SEPTIN4: variants seen among roughly 807,000 people sequenced by gnomAD.
SEPTIN4 encodes septin 4.
A neutral mutation model predicts 107.1 loss-of-function variants in SEPTIN4; 52 were observed. The observed-to-expected ratio is 0.49, with a 90% confidence interval of 0.39 to 0.61. The LOEUF (loss-of-function observed/expected upper bound fraction) is 0.61. SEPTIN4 is among the 20% of genes least tolerant of loss of function. The pLI is 0.00. For synonymous variants in SEPTIN4, 417 were observed against 467.0 expected (o/e 0.89, Z 1.38); for missense variants, 1,048 against 1,243.5 (o/e 0.84, Z 2.36).
chr17:58,539,934 T>C (rs1005508275), intron 3 of SEPTIN4, among the ~76,000 whole-genome samples: 1 of 152,236 alleles, frequency 6.6e-6, no homozygotes, highest in Non-Finnish European at 1.5e-5. Flanking sequence ...TGTTCCATTA[T>C]CTGAGCTTAG....
chr17:58,539,043 G>C, intron 3 of SEPTIN4: 3 of 1,047,978 alleles, frequency 2.9e-6, no homozygotes, highest in East Asian at 2.8e-5. Flanking sequence ...CCGGCTGAGG[G>C]ACAGGCCGGG....
rs2043954218 is a variant in SEPTIN4, at chr17:58,543,850, C to T, written c.337G>A (p.Ala113Thr). ...HLKSQKTQTL[A>T]SHASSRQWKV... The stretch of plus-strand genomic sequence containing the variant: ...CATTGTCTGCTTGAAGCATGGGAAG[C>T]CAGTGTCTGAGTCTTCTGGCTCTTT... Residue 113 changes from alanine (A) to threonine (T), a missense_variant, in exon 1 of 14, where the codon GCT becomes ACT. By Grantham distance (58) the Ala-to-Thr change is moderately conservative. Around this residue, in one of 2 missense-constraint regions of SEPTIN4, gnomAD observed 787 missense variants for 871.8 expected, o/e 0.90. Transcript: ENST00000672673. 6.2e-7 allele frequency: 1 copy of T among 1,614,012 alleles called. No individual in the cohort carries two copies. The highest frequency in any genetic ancestry group is 1.1e-5 in the South Asian group (1 of 91,072).
Position 58,543,853 on chromosome 17 carries a change from G to A in SEPTIN4, c.334C>T (p.Leu112=). ...TGTCTGCTTGAAGCATGGGAAGCCA[G>A]TGTCTGAGTCTTCTGGCTCTTTAGA... ...PHLKSQKTQT[L]ASHASSRQWK... Residue 112 remains leucine (L), a synonymous_variant, in exon 1 of 14, where the codon CTG becomes TTG. Coordinates refer to ENST00000672673, the MANE Select transcript of SEPTIN4 (RefSeq NM_001368771.2). 1.2e-6 allele frequency: 2 copies of A among 1,614,202 alleles called. No individual in the cohort carries two copies. The highest frequency in any genetic ancestry group is 1.1e-5 in the South Asian group (1 of 91,078).
rs540465839 is a variant in SEPTIN4, at chr17:58,543,529, T to C, written c.658A>G (p.Arg220Gly). The C allele has an allele frequency of 1.3e-5, 21 of 1,614,224 alleles. No individual in the cohort carries two copies. The East Asian group carries it at 4.0e-4, about 31-fold the overall frequency. Residue 220 changes from arginine (R) to glycine (G), a missense_variant, in exon 1 of 14, where the codon AGG (arginine) becomes GGG (glycine). Physicochemically the swap from Arg to Gly is moderately radical, Grantham distance 125 (BLOSUM62 -2). Around this residue, in one of 2 missense-constraint regions of SEPTIN4, gnomAD observed 787 missense variants for 871.8 expected, o/e 0.90. Coordinates refer to ENST00000672673, the MANE Select transcript of SEPTIN4 (RefSeq NM_001368771.2). Reference sequence around the variant, plus strand: ...CCGTGCTCTAGGAGAGAGGGACTCCTTGGAGATCTGATCTCACTAGTAGTC... The same window carrying C: ...CCGTGCTCTAGGAGAGAGGGACTCCCTGGAGATCTGATCTCACTAGTAGTC... The part of the protein sequence containing the change: ...ITTTSEIRSP[R>G]SPSLLEHGSS...
chr17:58,522,021 A>G lies in SEPTIN4; in HGVS notation c.2297T>C (p.Ile766Thr). 6.2e-7 allele frequency: 1 copy of G among 1,614,124 alleles called. No individual in the cohort carries two copies. Among genetic ancestry groups the G allele is most frequent in the Non-Finnish European group, 8.5e-7 (1 of 1,180,020 alleles). Residue 766 changes from isoleucine (I) to threonine (T), a missense_variant, in exon 8 of 14, where the codon ATC becomes ACC. Coordinates refer to ENST00000672673, the MANE Select transcript of SEPTIN4 (RefSeq NM_001368771.2). The stretch of plus-strand genomic sequence containing the variant: ...GCAGCAGTGCACCCTGTTGTCTTGG[A>G]TGTTCTTTCGGTTCAGGCCACTCTC... ...RDESGLNRKN[I>T]QDNRVHCCLY...
Position 58,526,711 on chromosome 17 carries a change from C to T in SEPTIN4, c.1882G>A (p.Gly628Ser). Residue 628 changes from glycine to serine, a missense_variant, in exon 4 of 14, where the codon GGC (glycine) becomes AGC (serine). Physicochemically the swap from Gly to Ser is moderately conservative, Grantham distance 56. Coordinates refer to ENST00000672673, the MANE Select transcript of SEPTIN4 (RefSeq NM_001368771.2). ...SPSARPRSPW[G>S]KLDPYDSSED... is the part of the protein sequence containing the mutation. ...GAGGAATCATAGGGATCAAGCTTGC[C>T]CCATGGGCTGCGGGGCCTGGCAGAT... The T allele has an allele frequency of 1.2e-6, 2 of 1,600,752 alleles. No individual in the cohort carries two copies. Among genetic ancestry groups the T allele is most frequent in the Non-Finnish European group, 1.7e-6 (2 of 1,174,654 alleles).
intron 6 of SEPTIN4, 137 bp downstream of exon 6, chr17:58,525,558 G>T (rs1220370208): frequency 1.3e-5 from 10 of 752,552 alleles, no homozygotes; most frequent in Non-Finnish European, 2.2e-5. Flanking sequence ...CAGGCAGTTA[G>T]GCCTATGGAG....
intron 7 of SEPTIN4, among the ~76,000 whole-genome samples, chr17:58,524,281 C>T (rs1323795188): frequency 2.0e-5 from 3 of 152,068 alleles, no homozygotes; most frequent in African/African-American, 4.8e-5. Flanking sequence ...TAAAAAAGCC[C>T]GAATGATAGG....
At chr17:58,535,443 G>A (rs1382094923) in intron 3 of SEPTIN4, among the ~76,000 whole-genome samples, 1 of 152,218 alleles carries the variant, frequency 6.6e-6, no homozygotes, top group Non-Finnish European at 1.5e-5. Context: ...CTCACCAGAT[G>A]TCTGAAGGCT....
At chr17:58,535,350 G>A (rs1265143656) in intron 3 of SEPTIN4, among the ~76,000 whole-genome samples, 1 of 152,214 alleles carries the variant, frequency 6.6e-6, no homozygotes, top group Non-Finnish European at 1.5e-5. Flanking sequence ...AGGGCAGACA[G>A]TCCTTCCAAC....
intron 6 of SEPTIN4, 117 bp from the exon 7 acceptor site, chr17:58,525,318 C>G (rs1251395096): frequency 7.9e-7 from 1 of 1,268,672 alleles, no homozygotes; most frequent in African/African-American, 1.5e-5. Flanking sequence ...GCCCCCTTCT[C>G]CACTCCCAAG....
At position 58,541,985 on chromosome 17, in the gene SEPTIN4, T is replaced by C; in HGVS notation, c.1562-19A>G. 1 of 1,612,488 alleles carries C rather than the reference T, an allele frequency of 6.2e-7. No homozygotes were observed. The highest frequency in any genetic ancestry group is 8.5e-7 in the Non-Finnish European group (1 of 1,179,216). On this transcript the variant is annotated intron_variant, in intron 1 of 13. Coordinates refer to ENST00000672673, the MANE Select transcript of SEPTIN4 (RefSeq NM_001368771.2). ...GAGACATCTGAAAGTAACAGAGAGA[T>C]GGTTGCTTTTCTTCTCTCTGTGGGA... is the stretch of plus-strand genomic sequence containing the variant.
chr17:58,536,682 C>T (rs1598315817), intron 3 of SEPTIN4, among the ~76,000 whole-genome samples: 1 of 152,210 alleles, frequency 6.6e-6, no homozygotes, highest in Non-Finnish European at 1.5e-5. Context: ...CACATTCTGT[C>T]CCCCTCCTCC....
intron 7 of SEPTIN4, 84 bp downstream of exon 7, chr17:58,524,994 T>C: frequency 1.5e-5 from 24 of 1,572,564 alleles, no homozygotes; most frequent in Non-Finnish European, 2.1e-5. Context: ...CTGATAAGTA[T>C]GGATATATCT....
intron 7 of SEPTIN4, among the ~76,000 whole-genome samples, chr17:58,522,996 G>T (rs2144034114): frequency 6.6e-6 from 1 of 152,232 alleles, no homozygotes; most frequent in South Asian, 2.1e-4. Context: ...AATCCTCACT[G>T]CCCTGACAGG....
chr17:58,526,573 A>ACACACACACACACACACAC (rs2042911040), intron 4 of SEPTIN4, 109 bp downstream of exon 4: 1 of 1,094,966 alleles, frequency 9.1e-7, no homozygotes, highest in African/African-American at 1.9e-5. Flanking sequence ...CACACACACA[A>ACACACACACACACACACAC]ACACACACAC....
intron 13 of SEPTIN4, 100 bp from the exon 14 acceptor site, chr17:58,520,585 GC>G: frequency 6.5e-7 from 1 of 1,533,066 alleles, no homozygotes; most frequent in Non-Finnish European, 9.0e-7. Context: ...AACCTTGGTA[GC>G]CGTGAGGTGT....
At chr17:58,526,006 G>A (rs905130042) in intron 5 of SEPTIN4, among the ~76,000 whole-genome samples, 2 of 152,056 alleles carry the variant, frequency 1.3e-5, no homozygotes, top group Admixed American at 6.6e-5. Flanking sequence ...GAAACTGTTG[G>A]TCAGATGCTC....
chr17:58,541,727 G>A lies in SEPTIN4; in HGVS notation c.1606+195C>T, dbSNP rs1380188288. 8 of 1,483,330 alleles carry A rather than the reference G, an allele frequency of 5.4e-6. No individual in the cohort carries two copies. In the South Asian group the frequency reaches 6.6e-5, roughly 12 times the overall value. 91.9% of individuals were successfully genotyped at this position (1,483,330 alleles called of 1,614,324 possible). Reference sequence around the variant, plus strand: ...AAGGAGACTCTTGAAAATGGAAAAGGTTCCAAGCCCCAAAGAAATGACTCT... The same window carrying A: ...AAGGAGACTCTTGAAAATGGAAAAGATTCCAAGCCCCAAAGAAATGACTCT... On this transcript the variant is annotated intron_variant, in intron 2 of 13. Coordinates refer to ENST00000672673, the MANE Select transcript of SEPTIN4 (RefSeq NM_001368771.2).
Sources: gnomAD v4.1 joint callset for allele counts (sites outside exome capture counted in the v4.1 genomes callset) on GRCh38, gnomAD v4.1.1 for gene constraint, gnomAD v4.1.1 regional missense constraint, MANE v1.5 for transcripts, NCBI Gene and HGNC (gene_info 2026-07-23, HGNC 2026-07-21) for gene names.